The following PPP3CA variants were observed in gnomAD, a reference collection of about 807,000 sequenced individuals.
PPP3CA encodes the protein protein phosphatase 3 catalytic subunit alpha, also known as CAM-PRP catalytic subunit.
In PPP3CA, 14 loss-of-function variants were observed where a neutral mutation model predicts 66.5. The observed-to-expected ratio is 0.21, with a 90% CI of 0.14 to 0.33. PPP3CA has a LOEUF of 0.33. PPP3CA is among the 10% of genes least tolerant of loss of function. The probability of loss-of-function intolerance (pLI) is 1.00; values close to 1 mark genes in which losing one functional copy is unlikely to be tolerated. For synonymous variants in PPP3CA, 232 were observed against 226.2 expected (o/e 1.03, Z -0.23); for missense variants, 317 against 639.5 (o/e 0.50, Z 5.44).
chr4:101,239,892 G>T (rs1336783005), intron 1 of PPP3CA, among the ~76,000 whole-genome samples: 1 of 151,930 alleles, frequency 6.6e-6, no homozygotes, highest in Non-Finnish European at 1.5e-5. Context: ...TTAAAATGTA[G>T]TGCACCAAGG....
intron 2 of PPP3CA, among the ~76,000 whole-genome samples, chr4:101,190,512 G>GT (rs1340300660): frequency 2.0e-5 from 3 of 152,124 alleles, no homozygotes; most frequent in Non-Finnish European, 4.4e-5. Context: ...GTTTATTGAT[G>GT]TTAATAGAGT....
intron 8 of PPP3CA, 77 bp downstream of exon 8, chr4:101,080,455 A>G: frequency 2.5e-6 from 2 of 788,258 alleles, no homozygotes; most frequent in Non-Finnish European, 3.6e-6. Context: ...AATACTTAAG[A>G]CCAAACCAAA....
chr4:101,093,616 C>G (rs971343790), intron 6 of PPP3CA, among the ~76,000 whole-genome samples, 160 bp downstream of exon 6: 2 of 152,130 alleles, frequency 1.3e-5, no homozygotes, highest in Admixed American at 1.3e-4. Flanking sequence ...TATTTACTCA[C>G]TTATTCATTT....
At chr4:101,251,506 T>C (rs886475709) in intron 1 of PPP3CA, among the ~76,000 whole-genome samples, 1 of 152,078 alleles carries the variant, frequency 6.6e-6, no homozygotes. Context: ...CAATGACTAG[T>C]TCTTCAGAAT....
At chr4:101,125,921 C>A (rs1722230477) in intron 2 of PPP3CA, among the ~76,000 whole-genome samples, 1 of 152,186 alleles carries the variant, frequency 6.6e-6, no homozygotes, top group Admixed American at 6.5e-5. Context: ...TCATCACTTT[C>A]TTCTCACTTT....
chr4:101,048,468 T>G (rs1294862338), intron 10 of PPP3CA, among the ~76,000 whole-genome samples: 2 of 126,228 alleles, frequency 1.6e-5, no homozygotes, highest in Non-Finnish European at 3.1e-5. Flanking sequence ...TTAGGGTCAG[T>G]GCAGTCAATG....
chr4:101,328,941 C>CCTA (rs1335763087), intron 1 of PPP3CA, among the ~76,000 whole-genome samples: 1 of 151,988 alleles, frequency 6.6e-6, no homozygotes, highest in African/African-American at 2.4e-5. Flanking sequence ...CTTGGGCCTC[C>CCTA]CTACTCCCTG....
intron 1 of PPP3CA, among the ~76,000 whole-genome samples, chr4:101,303,875 T>G (rs1728456018): frequency 6.6e-6 from 1 of 152,210 alleles, no homozygotes; most frequent in African/African-American, 2.4e-5. Context: ...TTTGTTTGTA[T>G]TATCATGACC....
chr4:101,029,347 T>TAAAAAAAAAAAAAAAAAAAAAAACA (rs1726818285), intron 12 of PPP3CA, 152 bp from the exon 13 acceptor site: 1 of 78,822 alleles, frequency 1.3e-5, no homozygotes, highest in African/African-American at 7.1e-5. Context: ...ACAGAAATGC[T>TAAAAAAAAAAAAAAAAAAAAAAACA]AAAAAAAAAA....
At chr4:101,293,457 G>A (rs956824115) in intron 1 of PPP3CA, among the ~76,000 whole-genome samples, 2 of 152,124 alleles carry the variant, frequency 1.3e-5, no homozygotes, top group South Asian at 4.1e-4. Flanking sequence ...AAGAAATATT[G>A]GTCACTTTCT....
At chr4:101,063,464 C>T in intron 8 of PPP3CA, 107 bp from the exon 9 acceptor site, 3 of 1,322,000 alleles carry the variant, frequency 2.3e-6, no homozygotes, top group South Asian at 1.6e-5. Flanking sequence ...AGTTCCAAAA[C>T]ATCCAGGCTC....
intron 1 of PPP3CA, among the ~76,000 whole-genome samples, chr4:101,334,283 T>C (rs1729556703): frequency 6.6e-6 from 1 of 152,074 alleles, no homozygotes; most frequent in Non-Finnish European, 1.5e-5. Flanking sequence ...TACAGGCGCA[T>C]GACACCACGC....
At position 101,024,839 on chromosome 4, in the gene PPP3CA, G is replaced by A. The variant is rs948488371; in HGVS notation, c.*1026C>T. The A allele has an allele frequency of 3.9e-5, 6 of 152,020 alleles. No homozygotes were observed. The highest frequency in any genetic ancestry group is 7.4e-5 in the Non-Finnish European group (5 of 67,974). 9.4% of individuals were successfully genotyped at this position (152,020 alleles called of 1,614,324 possible). A position where few individuals can be genotyped will look rare whatever the true frequency, so the allele number is the denominator to read the frequency against. On this transcript the variant is annotated 3_prime_UTR_variant, in exon 14 of 14. Coordinates refer to ENST00000394854, the MANE Select transcript of PPP3CA (RefSeq NM_000944.5). ...AAGCATTTTAGAGAATATAAAGTAC[G>A]CCAGTATACATACATTTCCAGTATA...
chr4:101,202,051 C>T (rs1481578452), intron 1 of PPP3CA, among the ~76,000 whole-genome samples: 1 of 151,998 alleles, frequency 6.6e-6, no homozygotes, highest in Non-Finnish European at 1.5e-5. Flanking sequence ...AAGTGTTAAA[C>T]TGCAAAACTA....
chr4:101,040,660 A>T (rs1727475661), intron 10 of PPP3CA, 94 bp from the exon 11 acceptor site: 1 of 966,592 alleles, frequency 1.0e-6, no homozygotes, highest in Non-Finnish European at 1.5e-6. Flanking sequence ...CCAGTAAGCA[A>T]AATCAGTATT....
At chr4:101,124,718 AAAGAAAGAG>A in intron 2 of PPP3CA, among the ~76,000 whole-genome samples, 1 of 81,848 alleles carries the variant, frequency 1.2e-5, no homozygotes, top group Non-Finnish European at 2.6e-5. Context: ...AGAAAGAAAG[AAAGAAAGAG>A]AAAGAAAGAA....
At chr4:101,335,684 A>T (rs1183431963) in intron 1 of PPP3CA, among the ~76,000 whole-genome samples, 3 of 152,150 alleles carry the variant, frequency 2.0e-5, no homozygotes, top group African/African-American at 7.2e-5. Context: ...TCACCCTCCC[A>T]AAGGGTATCT....
chr4:101,174,531 CT>C (rs774278149), intron 2 of PPP3CA, among the ~76,000 whole-genome samples: 1 of 152,090 alleles, frequency 6.6e-6, no homozygotes, highest in Non-Finnish European at 1.5e-5. Flanking sequence ...TGTATGAAAG[CT>C]TTAAGTATTA....
chr4:101,058,710 A>C (rs1405686), intron 10 of PPP3CA, among the ~76,000 whole-genome samples: 1 of 151,960 alleles, frequency 6.6e-6, no homozygotes, highest in Admixed American at 6.6e-5. Flanking sequence ...TCATGTAAGT[A>C]ATTGAGATGG....
Sources: gnomAD v4.1 joint callset for allele counts (sites outside exome capture counted in the v4.1 genomes callset) on GRCh38, gnomAD v4.1.1 for gene constraint, MANE v1.5 for transcripts, NCBI Gene and HGNC (gene_info 2026-07-23, HGNC 2026-07-21) for gene names.